The following TEX29 variants were observed in gnomAD, a reference collection of about 807,000 sequenced individuals.
TEX29 encodes testis-expressed protein 29.
In TEX29, 26 loss-of-function variants were observed where a neutral mutation model predicts 18.2. That is an observed-to-expected ratio of 1.43 (90% confidence interval 1.04 to 1.98). TEX29 has a LOEUF of 1.98. Among genes scored for constraint, TEX29 ranks in the 30% most tolerant of loss-of-function variants. TEX29 has a pLI of 0.00. For synonymous variants in TEX29, 83 were observed against 78.5 expected, an observed-to-expected ratio of 1.06 and a Z score of -0.31; for missense variants, 177 against 194.2, an observed-to-expected ratio of 0.91 and a Z score of 0.53.
chr13:111,339,197 G>T, intron 3 of TEX29: 1 of 451,838 alleles, frequency 2.2e-6, no homozygotes, highest in Non-Finnish European at 4.5e-6. Context: ...GTTGGAGAAG[G>T]CACGGGAAAC....
At position 111,321,003 on chromosome 13, in the gene TEX29, G is replaced by T. The variant is rs544613196; in HGVS notation, c.58+55G>T. Reference sequence around the variant, plus strand: ...TGGGGTGGGGGAGCAGTTGGGGGGGGGCACAGGGAGGAGCTGTTTGAGCCC... The same window carrying T: ...TGGGGTGGGGGAGCAGTTGGGGGGGTGCACAGGGAGGAGCTGTTTGAGCCC... On this transcript the variant is annotated intron_variant, in intron 2 of 5. Coordinates refer to ENST00000283547, the MANE Select transcript of TEX29 (RefSeq NM_152324.3). 18 of 653,200 alleles carry T rather than the reference G, an allele frequency of 2.8e-5. 1 individual carries two copies. Among genetic ancestry groups the T allele is most frequent in the African/African-American group, 1.8e-5 (1 of 55,396 alleles). The allele number at this position is 653,200 out of a possible 1,614,324, so 40.5% of individuals were successfully genotyped here.
intron 3 of TEX29, chr13:111,339,462 A>C: frequency 2.4e-6 from 1 of 417,986 alleles, no homozygotes; most frequent in South Asian, 1.8e-5. Flanking sequence ...GCCATCTCTC[A>C]GCACAACCCC....
intron 2 of TEX29, among the ~76,000 whole-genome samples, chr13:111,325,352 G>C (rs1209083451): frequency 6.6e-6 from 1 of 152,258 alleles, no homozygotes; most frequent in African/African-American, 2.4e-5. Context: ...GGTGTGGGGG[G>C]TGTGGAGGGC....
chr13:111,324,545 G>A (rs1285755300), intron 2 of TEX29, among the ~76,000 whole-genome samples: 2 of 152,228 alleles, frequency 1.3e-5, no homozygotes, highest in Non-Finnish European at 2.9e-5. Flanking sequence ...CTGAGGACCC[G>A]GCGCTGCCCT....
At chr13:111,339,770 C>G (rs572530350) in intron 3 of TEX29, 93 bp from the exon 4 acceptor site, 1 of 1,334,902 alleles carries the variant, frequency 7.5e-7, no homozygotes, top group African/African-American at 1.4e-5. Flanking sequence ...CCGGGAGGGC[C>G]CGCACCCGAC....
chr13:111,328,957 A>T (rs930289599), intron 3 of TEX29, among the ~76,000 whole-genome samples: 11 of 152,298 alleles, frequency 7.2e-5, no homozygotes, highest in Admixed American at 3.3e-4. Context: ...AATGTGTTCG[A>T]AGGGAGGTGG....
chr13:111,334,839 G>A (rs561626902), intron 3 of TEX29, among the ~76,000 whole-genome samples: 5 of 152,310 alleles, frequency 3.3e-5, no homozygotes, highest in East Asian at 3.9e-4. Flanking sequence ...ACAACTCTCC[G>A]ACGATGGGGC....
At chr13:111,318,267 C>T (rs1020956043), upstream of TEX29, among the ~76,000 whole-genome samples, 9 of 152,074 alleles carry the variant, frequency 5.9e-5, no homozygotes, top group African/African-American at 2.2e-4. Context: ...GGCACTTGTC[C>T]TATTTCCAAA....
At chr13:111,338,559 A>C (rs1224695578) in intron 3 of TEX29, among the ~76,000 whole-genome samples, 1 of 152,186 alleles carries the variant, frequency 6.6e-6, no homozygotes, top group Non-Finnish European at 1.5e-5. Context: ...GGGAAATTAC[A>C]TCTGATGGTG....
chr13:111,342,992 G>A, intron 5 of TEX29, 61 bp downstream of exon 5: 1 of 1,569,356 alleles, frequency 6.4e-7, no homozygotes, highest in Non-Finnish European at 8.7e-7. Context: ...GTTCCCTCGG[G>A]AGACCTTCCC....
intron 3 of TEX29, among the ~76,000 whole-genome samples, chr13:111,334,210 C>T (rs1389053099): frequency 6.6e-6 from 1 of 152,158 alleles, no homozygotes; most frequent in Non-Finnish European, 1.5e-5. Context: ...CTCTGAGAAT[C>T]GGGTTCTTTC....
At chr13:111,337,466 C>T (rs2093691073) in intron 3 of TEX29, among the ~76,000 whole-genome samples, 1 of 151,892 alleles carries the variant, frequency 6.6e-6, no homozygotes, top group Non-Finnish European at 1.5e-5. Context: ...TGCAGTCTTT[C>T]CCAGAGCAAC....
chr13:111,321,685 A>T (rs1378162261), intron 2 of TEX29, among the ~76,000 whole-genome samples: 1 of 152,160 alleles, frequency 6.6e-6, no homozygotes, highest in Admixed American at 6.5e-5. Context: ...CACTTTGAGA[A>T]GCCAAGGCAG....
chr13:111,339,844 A>T lies in TEX29; in HGVS notation c.170-19A>T. 6.2e-7 allele frequency: 1 copy of T among 1,613,658 alleles called. No homozygotes were observed. The highest frequency in any genetic ancestry group is 2.2e-5 in the East Asian group (1 of 44,870). On this transcript the variant is annotated intron_variant, in intron 3 of 5. Transcript: ENST00000283547. Reference sequence around the variant, plus strand: ...TATTTACCTGGATCGAAATGACTTCAAATCCCACCATTTTTCAGTTTACAT... The same window carrying T: ...TATTTACCTGGATCGAAATGACTTCTAATCCCACCATTTTTCAGTTTACAT...
At chr13:111,319,189 C>A (rs181041926), upstream of TEX29, among the ~76,000 whole-genome samples, 363 of 152,258 alleles carry the variant, frequency 2.4e-3, 1 homozygote, top group African/African-American at 8.2e-3. Flanking sequence ...GGGTTCTTCC[C>A]AGCGTGTGAC....
chr13:111,316,320 T>G, upstream of TEX29: 1 of 461,754 alleles, frequency 2.2e-6, no homozygotes, highest in Admixed American at 2.3e-5. Context: ...GAGGAAGGTG[T>G]GGGGCATGCA....
rs772080929 is a variant in TEX29, at chr13:111,320,997, G to GT, written c.58+49_58+50insT. On this transcript the variant is annotated intron_variant, in intron 2 of 5. Transcript: ENST00000283547. Reference sequence around the variant, plus strand: ...GGCGGGTGGGGTGGGGGAGCAGTTGGGGGGGGGCACAGGGAGGAGCTGTTT... The same window carrying GT: ...GGCGGGTGGGGTGGGGGAGCAGTTGGTGGGGGGGCACAGGGAGGAGCTGTTT... 42 of 1,072,782 alleles carry GT rather than the reference G, an allele frequency of 3.9e-5. 1 individual carries two copies. The East Asian group carries it at 8.0e-4, about 20-fold the overall frequency. 66.5% of individuals were successfully genotyped at this position (1,072,782 alleles called of 1,614,324 possible). A position where few individuals can be genotyped will look rare whatever the true frequency, so the allele number is the denominator to read the frequency against.
At chr13:111,324,219 A>G (rs2093669188) in intron 2 of TEX29, among the ~76,000 whole-genome samples, 1 of 152,156 alleles carries the variant, frequency 6.6e-6, no homozygotes, top group East Asian at 1.9e-4. Flanking sequence ...CCATCTTTGG[A>G]AACCTGTCTG....
intron 3 of TEX29, among the ~76,000 whole-genome samples, chr13:111,339,116 G>A (rs9522188): frequency 1.3e-5 from 2 of 152,142 alleles, no homozygotes; most frequent in African/African-American, 4.8e-5. Context: ...GTGCACTCAC[G>A]CAGGGAAACC....
Sources: allele counts gnomAD v4.1 joint callset (sites outside exome capture counted in the v4.1 genomes callset), GRCh38; gene constraint gnomAD v4.1.1; transcripts MANE v1.5; gene names NCBI Gene and HGNC (gene_info 2026-07-23, HGNC 2026-07-21).